Variants in ZNF721 observed in about 807,000 individuals in gnomAD.
The protein encoded by ZNF721 is zinc finger protein 721.
In ZNF721, 2 loss-of-function variants were observed where a neutral mutation model predicts 2.4. That is an observed-to-expected ratio of 0.82 (90% confidence interval 0.34 to 2.58). ZNF721 has a LOEUF of 2.58. ZNF721 is among the 30% of genes most tolerant of loss of function. ZNF721 has a pLI of 0.11. For missense variants in ZNF721, 1,187 were observed against 1,085.5 expected, an observed-to-expected ratio of 1.09 and a Z score of -1.31; for synonymous variants, 398 against 381.8, an observed-to-expected ratio of 1.04 and a Z score of -0.50.
intron 1 of ZNF721, among the ~76,000 whole-genome samples, chr4:493,204 A>C (rs78606046): frequency 0.016 from 2,414 of 151,710 alleles, 61 homozygotes; most frequent in African/African-American, 0.055. Flanking sequence ...GGCCTAACAG[A>C]TTCCATTTTC....
In ZNF721 at chr4:441,107, T is replaced by A. The variant is rs1714218064; in HGVS notation, c.*588A>T. On this transcript the variant is annotated 3_prime_UTR_variant, in exon 3 of 3. Coordinates refer to ENST00000511833, the MANE Select transcript of ZNF721 (RefSeq NM_133474.4). ...GAGTTTTCCTCTAGTACAAAATGCA[T>A]ATAGTAAGTTCTGGGATACAAGTAC... 1 of 152,308 alleles carries A rather than the reference T, an allele frequency of 6.6e-6. No homozygotes were observed. The highest frequency in any genetic ancestry group is 1.5e-5 in the Non-Finnish European group (1 of 68,078). The allele number at this position is 152,308 out of a possible 1,614,324, so 9.4% of individuals were successfully genotyped here.
At chr4:452,536 G>C (rs189043026) in intron 2 of ZNF721, among the ~76,000 whole-genome samples, 34 of 152,262 alleles carry the variant, frequency 2.2e-4, no homozygotes, top group African/African-American at 7.7e-4. Flanking sequence ...GAAAGAGAGC[G>C]TGGCTTTTCA....
chr4:492,434 C>T (rs1553871620), intron 1 of ZNF721, among the ~76,000 whole-genome samples: 1 of 152,002 alleles, frequency 6.6e-6, no homozygotes, highest in African/African-American at 2.4e-5. Flanking sequence ...AGCTGAACTT[C>T]AGGTTAAAAA....
chr4:446,224 T>C (rs1415822095), intron 2 of ZNF721, among the ~76,000 whole-genome samples: 1 of 152,144 alleles, frequency 6.6e-6, no homozygotes, highest in Admixed American at 6.5e-5. Context: ...ACTATCCTAA[T>C]AGTGCGGAAA....
At chr4:493,048 T>C (rs1412654245) in intron 1 of ZNF721, among the ~76,000 whole-genome samples, 3 of 151,996 alleles carry the variant, frequency 2.0e-5, no homozygotes, top group African/African-American at 7.2e-5. Context: ...GACCAGTTTG[T>C]CCACAAGTAT....
chr4:479,995 T>C (rs1391861138), intron 1 of ZNF721, among the ~76,000 whole-genome samples: 1 of 152,220 alleles, frequency 6.6e-6, no homozygotes, highest in East Asian at 1.9e-4. Flanking sequence ...GGTAGGTTTC[T>C]TGGTGTCAGT....
chr4:465,855 C>A (rs541985269), intron 2 of ZNF721, among the ~76,000 whole-genome samples: 1 of 150,682 alleles, frequency 6.6e-6, no homozygotes, highest in African/African-American at 2.4e-5. Flanking sequence ...ACAATAGAAA[C>A]AAAACAACTC....
chr4:443,153 A>G lies in ZNF721; in HGVS notation c.1314T>C (p.Ile438=), dbSNP rs1714330487. The change falls in exon 3 of 3, where the codon ATT becomes ATC. Residue 438 remains isoleucine (I), a synonymous_variant. Transcript: ENST00000511833. ...ATTTGTAGGGTTTATCTCCAGTATGAATTTTCTTATATTCATTCAGGTTTG... is the reference window on the plus strand; with the variant it reads ...ATTTGTAGGGTTTATCTCCAGTATGGATTTTCTTATATTCATTCAGGTTTG... ...LSTNLNEYKK[I]HTGDKPYKCK... 8 of 1,613,604 alleles carry G rather than the reference A, an allele frequency of 5.0e-6. No homozygotes were observed. Among genetic ancestry groups the G allele is most frequent in the Non-Finnish European group, 6.8e-6 (8 of 1,179,816 alleles).
chr4:451,306 T>TTTC (rs1714652990), intron 2 of ZNF721, among the ~76,000 whole-genome samples: 6 of 152,190 alleles, frequency 3.9e-5, no homozygotes, highest in Admixed American at 3.9e-4. Flanking sequence ...GAAATCTCTA[T>TTTC]TTCAATCTAT....
At chr4:498,215 GAAAAAAAAAAAAAAAA>G (rs797042296) in intron 1 of ZNF721, among the ~76,000 whole-genome samples, 1 of 83,940 alleles carries the variant, frequency 1.2e-5, no homozygotes, top group Non-Finnish European at 2.3e-5. Context: ...AAAAGAAAAA[GAAAAAAAAAAAAAAAA>G]AAAAAAAAAG....
intron 2 of ZNF721, among the ~76,000 whole-genome samples, chr4:447,778 TTAAC>T (rs200852173): frequency 0.018 from 2,795 of 152,284 alleles, 38 homozygotes; most frequent in Middle Eastern, 0.065. Flanking sequence ...AAAATATACT[TTAAC>T]TAAAAGTTCA....
intron 2 of ZNF721, among the ~76,000 whole-genome samples, chr4:446,162 G>A (rs899568198): frequency 6.6e-6 from 1 of 152,020 alleles, no homozygotes; most frequent in African/African-American, 2.4e-5. Context: ...ATAATCATAC[G>A]AAAATATGTA....
chr4:464,079 G>A (rs1487739065), intron 2 of ZNF721, among the ~76,000 whole-genome samples: 4 of 152,024 alleles, frequency 2.6e-5, no homozygotes, highest in African/African-American at 9.7e-5. Flanking sequence ...AGGAACCAAG[G>A]AGATATGCTG....
At chr4:498,105 T>TGAGGCAGGAGAATTGCTTG (rs1221931230) in intron 1 of ZNF721, among the ~76,000 whole-genome samples, 2 of 148,656 alleles carry the variant, frequency 1.3e-5, no homozygotes, top group Non-Finnish European at 3.0e-5. Flanking sequence ...CTCAGGAGGC[T>TGAGGCAGGAGAATTGCTTG]GAGGCAGGAG....
Position 441,366 on chromosome 4 carries a change from A to AT in ZNF721, c.*328dup, listed in dbSNP as rs1185498194. ...AAGCATTGGTTACAAGTTTTGCCAC[A>AT]TTTTTTGTATTTCCAGGTGTTTTCT... On this transcript the variant is annotated 3_prime_UTR_variant, in exon 3 of 3. Transcript: ENST00000511833. 5 of 201,646 alleles carry AT rather than the reference A, an allele frequency of 2.5e-5. No homozygotes were observed. Among genetic ancestry groups the AT allele is most frequent in the South Asian group, 1.3e-4 (1 of 7,864 alleles). The allele number at this position is 201,646 out of a possible 1,614,324, so 12.5% of individuals were successfully genotyped here.
chr4:470,873 A>C (rs1465590657), intron 2 of ZNF721, among the ~76,000 whole-genome samples: 1 of 151,668 alleles, frequency 6.6e-6, no homozygotes, highest in African/African-American at 2.4e-5. Context: ...GGTGGTGTGC[A>C]CCAGGAATCA....
At chr4:490,814 C>G (rs1358848468) in intron 1 of ZNF721, among the ~76,000 whole-genome samples, 1 of 151,984 alleles carries the variant, frequency 6.6e-6, no homozygotes, top group African/African-American at 2.4e-5. Context: ...GCAGGCTGGG[C>G]GCGGTGGCTC....
At chr4:469,158 C>T (rs903051006) in intron 2 of ZNF721, among the ~76,000 whole-genome samples, 1 of 152,068 alleles carries the variant, frequency 6.6e-6, no homozygotes, top group Admixed American at 6.6e-5. Flanking sequence ...TCATCTCAAA[C>T]TCCTGTGCTC....
At chr4:485,728 C>A (rs1715877840) in intron 1 of ZNF721, among the ~76,000 whole-genome samples, 1 of 152,198 alleles carries the variant, frequency 6.6e-6, no homozygotes, top group Non-Finnish European at 1.5e-5. Flanking sequence ...GTAATCCCAG[C>A]ACTTTGGGAG....
Sources: allele counts gnomAD v4.1 joint callset (sites outside exome capture counted in the v4.1 genomes callset), GRCh38; gene constraint gnomAD v4.1.1; transcripts MANE v1.5; gene names NCBI Gene and HGNC (gene_info 2026-07-23, HGNC 2026-07-21).